The following NFIB variants were observed in gnomAD, a reference collection of about 807,000 sequenced individuals.
NFIB encodes nuclear factor I B.
In NFIB, 11 loss-of-function variants were observed where a neutral mutation model predicts 61.5. The ratio of observed to expected loss-of-function variants is 0.18; its 90% CI spans 0.11 to 0.30. The LOEUF (loss-of-function observed/expected upper bound fraction) is 0.30. Among genes scored for constraint, NFIB ranks in the 10% least tolerant of loss-of-function variants. The probability of loss-of-function intolerance (pLI) is 1.00; values close to 1 mark genes in which losing one functional copy is unlikely to be tolerated. For missense variants in NFIB, 471 were observed against 608.9 expected, an observed-to-expected ratio of 0.77 and a Z score of 2.38; for synonymous variants, 260 against 216.5, an observed-to-expected ratio of 1.20 and a Z score of -1.76.
chr9:14,438,887 T>C, the NFIB span, among the ~76,000 whole-genome samples: 204 of 151,948 alleles, frequency 1.3e-3, no homozygotes, highest in African/African-American at 4.7e-3. Flanking sequence ...AAGAGGGACA[T>C]GGGGTGGAGA....
chr9:14,511,138 G>A, the NFIB span, among the ~76,000 whole-genome samples: 1 of 152,040 alleles, frequency 6.6e-6, no homozygotes, highest in Non-Finnish European at 1.5e-5. Flanking sequence ...ATTCCCACTA[G>A]CAATGCTTCT....
the NFIB span, among the ~76,000 whole-genome samples, chr9:14,428,199 G>T: frequency 2.0e-5 from 3 of 151,980 alleles, no homozygotes; most frequent in Non-Finnish European, 4.4e-5. Flanking sequence ...TCCCACTTCA[G>T]CCTCCCAAAG....
At position 14,216,524 on chromosome 9, in the gene NFIB, CTCTCTCTCTCTCTCTCTCCCTCTGTGTG is replaced by C. The variant is rs1265207540; in HGVS notation, c.563-36772_563-36745del. ...TCTCTCTCTCTCTCTCTCTCTCTCT[CTCTCTCTCTCTCTCTCTCCCTCTGTGTG>C]TGTGTGTGTGTGTGTGTGTGTGTGT... On this transcript the variant is annotated intron_variant, in intron 2 of 10. Coordinates refer to ENST00000380953, the MANE Select transcript of NFIB (RefSeq NM_001190737.2). 3.5e-3 allele frequency among the ~76,000 whole-genome samples: 239 copies of C among 67,746 alleles called. 4 individuals are homozygous for C. Among genetic ancestry groups the C allele is most frequent in the Middle Eastern group, 0.02 (3 of 150 alleles). The allele number at this position is 67,746 out of a possible 152,430, so 44.4% of individuals were successfully genotyped here.
chr9:14,378,546 G>A (rs539152016), intron 1 of NFIB, among the ~76,000 whole-genome samples: 5 of 152,266 alleles, frequency 3.3e-5, no homozygotes, highest in East Asian at 1.9e-4. Flanking sequence ...TAGTAGAGAC[G>A]GGGTTTCACC....
intron 8 of NFIB, among the ~76,000 whole-genome samples, chr9:14,117,527 T>C (rs975954841): frequency 5.3e-5 from 8 of 152,098 alleles, no homozygotes; most frequent in African/African-American, 1.9e-4. Flanking sequence ...TTTCTAAATA[T>C]CTGCACATAA....
intron 2 of NFIB, among the ~76,000 whole-genome samples, chr9:14,227,916 G>T (rs1462769724): frequency 2.0e-5 from 3 of 152,146 alleles, no homozygotes; most frequent in East Asian, 1.9e-4. Context: ...TCTTATTATG[G>T]TGTTAATTTA....
At chr9:14,473,182 G>A in the NFIB span, among the ~76,000 whole-genome samples, 1 of 152,196 alleles carries the variant, frequency 6.6e-6, no homozygotes, top group Admixed American at 6.5e-5. Flanking sequence ...TTGAGCTGCA[G>A]AAACACTGAA....
intron 2 of NFIB, among the ~76,000 whole-genome samples, chr9:14,200,882 C>G (rs1019184027): frequency 1.3e-5 from 2 of 152,142 alleles, no homozygotes; most frequent in Admixed American, 6.6e-5. Context: ...TGCAAAACTC[C>G]TCCTGATGTT....
chr9:14,431,837 G>A, the NFIB span, among the ~76,000 whole-genome samples: 1 of 152,144 alleles, frequency 6.6e-6, no homozygotes. Flanking sequence ...GTGTCCCTAT[G>A]CAGAAAGTTG....
chr9:14,355,502 A>T (rs2061165220), intron 1 of NFIB, among the ~76,000 whole-genome samples: 1 of 152,186 alleles, frequency 6.6e-6, no homozygotes, highest in Non-Finnish European at 1.5e-5. Context: ...CCAGCCCATT[A>T]TGTACAGCCA....
chr9:14,158,621 A>G (rs371836425), intron 3 of NFIB, among the ~76,000 whole-genome samples: 2 of 152,370 alleles, frequency 1.3e-5, no homozygotes, highest in Middle Eastern at 3.4e-3. Context: ...TTAAAATTCA[A>G]CTTTACAAAC....
the NFIB span, among the ~76,000 whole-genome samples, chr9:14,522,351 T>A: frequency 6.6e-6 from 1 of 152,208 alleles, no homozygotes; most frequent in Non-Finnish European, 1.5e-5. Context: ...TTGTATTATG[T>A]GGGGTACCAT....
At chr9:14,441,424 AG>A in the NFIB span, among the ~76,000 whole-genome samples, 1 of 152,172 alleles carries the variant, frequency 6.6e-6, no homozygotes, top group East Asian at 1.9e-4. Flanking sequence ...TTATTTGTGT[AG>A]TGAAGTCCCT....
chr9:14,399,896 A>G (rs1007701266), upstream of NFIB, among the ~76,000 whole-genome samples: 4 of 152,070 alleles, frequency 2.6e-5, no homozygotes, highest in African/African-American at 9.7e-5. Context: ...TATTGCCCAA[A>G]TGCACTCTTG....
the NFIB span, among the ~76,000 whole-genome samples, chr9:14,407,011 G>A: frequency 6.6e-6 from 1 of 152,182 alleles, no homozygotes; most frequent in Non-Finnish European, 1.5e-5. Flanking sequence ...TAGTAGGGCT[G>A]CCTTATCTTT....
chr9:14,311,817 CTG>C (rs1563999970), intron 1 of NFIB, among the ~76,000 whole-genome samples: 2 of 152,134 alleles, frequency 1.3e-5, no homozygotes. Context: ...ATGCTATACT[CTG>C]TAAGTGAAAA....
intron 1 of NFIB, chr9:14,357,026 G>A (rs1307188702): frequency 2.0e-5 from 3 of 152,182 alleles, no homozygotes; most frequent in African/African-American, 7.2e-5. Flanking sequence ...TTTAAAAGAA[G>A]TAATTTCTTA....
intron 3 of NFIB, among the ~76,000 whole-genome samples, chr9:14,159,257 C>A (rs2043848937): frequency 6.6e-6 from 1 of 152,144 alleles, no homozygotes; most frequent in African/African-American, 2.4e-5. Flanking sequence ...CACTCCCCAC[C>A]CCCAACTTCC....
chr9:14,168,608 G>C (rs1312091674), intron 3 of NFIB, among the ~76,000 whole-genome samples: 1 of 152,052 alleles, frequency 6.6e-6, no homozygotes, highest in East Asian at 2.0e-4. Context: ...ACCATACAAG[G>C]AGGTGAATGA....
Sources: allele counts gnomAD v4.1 joint callset (sites outside exome capture counted in the v4.1 genomes callset), GRCh38; gene constraint gnomAD v4.1.1; transcripts MANE v1.5; gene names NCBI Gene and HGNC (gene_info 2026-07-23, HGNC 2026-07-21).